Variants in INVS observed in about 807,000 individuals in gnomAD.
INVS encodes inversion of embryo turning homolog.
INVS carries 86 observed loss-of-function variants against 108.8 expected under a neutral mutation model. The ratio of observed to expected loss-of-function variants is 0.79; its 90% CI spans 0.66 to 0.95. The LOEUF (loss-of-function observed/expected upper bound fraction) is 0.95, where lower values mean the gene tolerates loss of function less well. INVS is among the 40% of genes least tolerant of loss of function. INVS has a pLI of 0.00. For missense variants in INVS, 1,169 were observed against 1,297.4 expected (o/e 0.90, Z 1.52); for synonymous variants, 455 against 473.5 (o/e 0.96, Z 0.51).
chr9:100,242,743 A>G, intron 7 of INVS, 64 bp downstream of exon 7: 2 of 934,698 alleles, frequency 2.1e-6, no homozygotes, highest in Non-Finnish European at 3.6e-6. Flanking sequence ...ATAATTGTAG[A>G]TTCATATGTA....
chr9:100,231,926 C>T (rs376556188), intron 5 of INVS, among the ~76,000 whole-genome samples: 13 of 152,222 alleles, frequency 8.5e-5, no homozygotes, highest in South Asian at 4.1e-4. Flanking sequence ...GAGGAGTCAC[C>T]GCACTGTCTT....
chr9:100,123,347 A>G (rs1485373633), intron 2 of INVS, among the ~76,000 whole-genome samples: 3 of 152,210 alleles, frequency 2.0e-5, no homozygotes, highest in Non-Finnish European at 1.5e-5. Context: ...CATAAATATA[A>G]TTATATAATA....
chr9:100,238,951 A>G (rs1426623694), intron 5 of INVS, among the ~76,000 whole-genome samples: 3 of 152,250 alleles, frequency 2.0e-5, no homozygotes, highest in African/African-American at 7.2e-5. Context: ...AATGTCTTTC[A>G]TAACCATAAG....
chr9:100,272,787 A>G (rs546933178), intron 11 of INVS, 77 bp from the exon 12 acceptor site: 1 of 1,310,506 alleles, frequency 7.6e-7, no homozygotes, highest in African/African-American at 1.5e-5. Context: ...TCTGCTGCAT[A>G]ATAATATTTT....
Position 100,268,356 on chromosome 9 carries a change from G to T in INVS, c.1571+3428G>T, listed in dbSNP as rs1275346451. Among the ~76,000 whole-genome samples the T allele has an allele frequency of 2.6e-5, 4 of 152,272 alleles. No individual in the cohort carries two copies. The South Asian group carries it at 6.2e-4, about 24-fold the overall frequency. On this transcript the variant is annotated intron_variant, in intron 11 of 16. Transcript: ENST00000262457. ...TCAAAGCAAAATTAGGAATGCCTTT[G>T]TTCTCCAGATATCGGGATATTAGGA...
At chr9:100,224,666 G>C (rs1028846987) in intron 3 of INVS, among the ~76,000 whole-genome samples, 7 of 151,796 alleles carry the variant, frequency 4.6e-5, no homozygotes, top group Non-Finnish European at 8.8e-5. Flanking sequence ...ACCCAGGTTA[G>C]AGTGCAGTGG....
At chr9:100,229,619 G>A (rs563365582) in intron 4 of INVS, 41 bp from the exon 5 acceptor site, 2 of 1,589,422 alleles carry the variant, frequency 1.3e-6, no homozygotes, top group Admixed American at 1.7e-5. Flanking sequence ...GGGAAAGTTA[G>A]TTGTTACTGT....
intron 3 of INVS, among the ~76,000 whole-genome samples, chr9:100,206,587 A>G (rs1404046147): frequency 6.6e-6 from 1 of 152,122 alleles, no homozygotes; most frequent in Non-Finnish European, 1.5e-5. Context: ...CTTTGCCCCT[A>G]AATTTCAGTG....
chr9:100,297,105 G>A lies in INVS; in HGVS notation c.2975G>A (p.Gly992Asp). 6.2e-7 allele frequency: 1 copy of A among 1,613,970 alleles called. No homozygotes were observed. The highest frequency in any genetic ancestry group is 2.2e-5 in the East Asian group (1 of 44,844). ...AAGAGTCCATCCAAGGGCACCTCAG[G>A]CACAAAGTCCACCAAGCACTCAGTG... ...APKSPSKGTS[G>D]TKSTKHSVLK... Residue 992 changes from glycine to aspartate, a missense_variant, in exon 15 of 17, where the codon GGC (glycine) becomes GAC (aspartate). Around this residue, in one of 3 missense-constraint regions of INVS, gnomAD observed 533 missense variants for 536.0 expected, o/e 0.99. Transcript: ENST00000262457.
At chr9:100,164,295 C>A (rs1281609560) in intron 3 of INVS, among the ~76,000 whole-genome samples, 2 of 152,050 alleles carry the variant, frequency 1.3e-5, no homozygotes, top group Non-Finnish European at 2.9e-5. Flanking sequence ...TTTTCAAGCA[C>A]ATAATACATT....
At chr9:100,263,340 G>C (rs1832688082) in intron 10 of INVS, among the ~76,000 whole-genome samples, 1 of 152,054 alleles carries the variant, frequency 6.6e-6, no homozygotes. Flanking sequence ...GGCCTTACTG[G>C]GTTAAAAATC....
intron 3 of INVS, among the ~76,000 whole-genome samples, chr9:100,157,518 G>A (rs953024991): frequency 4.6e-5 from 7 of 151,918 alleles, no homozygotes; most frequent in South Asian, 4.2e-4. Flanking sequence ...CGCCCGCCTC[G>A]GCCTCCCAAA....
At chr9:100,248,055 C>T (rs1832102130) in intron 8 of INVS, among the ~76,000 whole-genome samples, 1 of 152,014 alleles carries the variant, frequency 6.6e-6, no homozygotes, top group African/African-American at 2.4e-5. Flanking sequence ...TGAGCTCAAG[C>T]AATCCACCTG....
chr9:100,300,614 A>G lies in INVS; in HGVS notation c.3138A>G (p.Ser1046=), dbSNP rs889561540. The change falls in exon 17 of 17, where the codon TCA becomes TCG. Residue 1046 remains serine (S), a synonymous_variant. Coordinates refer to ENST00000262457, the MANE Select transcript of INVS (RefSeq NM_014425.5). ...ATCTCCTTGAGAACAGTGGAAGATC[A>G]AAGAACTTTTCTTATAACCTGCAAT... The part of the protein sequence containing the change: ...CIHLLENSGR[S]KNFSYNLQSA... 2.5e-6 allele frequency: 4 copies of G among 1,613,974 alleles called. No homozygotes were observed. The Admixed American group carries it at 5.0e-5, about 20-fold the overall frequency.
chr9:100,103,778 T>G (rs1220245366), intron 1 of INVS, among the ~76,000 whole-genome samples: 3 of 151,980 alleles, frequency 2.0e-5, no homozygotes, highest in African/African-American at 7.2e-5. Context: ...CTCAAACTCC[T>G]GGGCTCAAGA....
chr9:100,231,097 G>A (rs1037928438), intron 5 of INVS, among the ~76,000 whole-genome samples: 9 of 152,104 alleles, frequency 5.9e-5, no homozygotes, highest in South Asian at 2.1e-4. Context: ...TATTTGTTTC[G>A]AATATTTATC....
At chr9:100,220,772 G>A (rs1045756778) in intron 3 of INVS, among the ~76,000 whole-genome samples, 1 of 152,096 alleles carries the variant, frequency 6.6e-6, no homozygotes, top group Non-Finnish European at 1.5e-5. Context: ...TGAGGCAGGC[G>A]GATCACCTGA....
chr9:100,141,103 G>C (rs985861582), intron 3 of INVS, among the ~76,000 whole-genome samples: 9 of 152,194 alleles, frequency 5.9e-5, no homozygotes, highest in African/African-American at 2.2e-4. Context: ...GGGCATGTGT[G>C]AGTAGTTGAG....
At chr9:100,165,371 G>C (rs1032160713) in intron 3 of INVS, among the ~76,000 whole-genome samples, 4 of 152,076 alleles carry the variant, frequency 2.6e-5, no homozygotes, top group African/African-American at 9.7e-5. Context: ...AGTGCCTAGA[G>C]CCCATTGTTC....
Sources: allele counts gnomAD v4.1 joint callset (sites outside exome capture counted in the v4.1 genomes callset), GRCh38; gene constraint gnomAD v4.1.1; regional missense constraint gnomAD v4.1.1; transcripts MANE v1.5; gene names NCBI Gene and HGNC (gene_info 2026-07-23, HGNC 2026-07-21).